Variants in PRC1 observed in about 807,000 individuals in gnomAD.
PRC1 encodes the protein protein regulator of cytokinesis 1.
PRC1 carries 54 observed loss-of-function variants against 91.2 expected under a neutral mutation model. The observed-to-expected ratio is 0.59, with a 90% confidence interval of 0.48 to 0.74. The LOEUF (loss-of-function observed/expected upper bound fraction) is 0.74. Among genes scored for constraint, PRC1 ranks in the 30% least tolerant of loss-of-function variants. The pLI is 0.00. For synonymous variants in PRC1, 275 were observed against 263.6 expected (o/e 1.04, Z -0.42); for missense variants, 727 against 746.2 (o/e 0.97, Z 0.30).
rs758093303 is a variant in PRC1, at chr15:90,979,307, G to C, written c.971-13C>G. The C allele has an allele frequency of 1.2e-5, 19 of 1,600,750 alleles. No individual in the cohort carries two copies. In the South Asian group the frequency reaches 1.8e-4, roughly 15 times the overall value. On this transcript the variant is annotated splice_polypyrimidine_tract_variant and intron_variant, in intron 7 of 14. Coordinates refer to ENST00000394249, the MANE Select transcript of PRC1 (RefSeq NM_003981.4). ...TCTGTGTAGTCCTCTGCAAAATATA[G>C]GCCCAGTAGTTTAAAACAATTCCTC...
chr15:90,980,214 A>C (rs759047693), intron 7 of PRC1, 28 bp downstream of exon 7: 10 of 1,562,594 alleles, frequency 6.4e-6, no homozygotes, highest in South Asian at 2.4e-5. Flanking sequence ...CCAAACAAAC[A>C]AACCAAAGAC....
At chr15:90,967,465 TC>T in intron 14 of PRC1, 1 of 506,460 alleles carries the variant, frequency 2.0e-6, no homozygotes. Context: ...AGAAGAGAAA[TC>T]CTTCATACAG....
Position 90,966,583 on chromosome 15 carries a change from C to T in PRC1, c.*548G>A. On this transcript the variant is annotated 3_prime_UTR_variant, in exon 15 of 15. Transcript: ENST00000394249. ...AAGCTGCTCCCAGCCTTCCTGTCAC[C>T]TCTTTGGCAGTAGGGCAGGCCATCT... The T allele has an allele frequency of 2.2e-6, 1 of 456,126 alleles. No homozygotes were observed. Among genetic ancestry groups the T allele is most frequent in the Non-Finnish European group, 4.4e-6 (1 of 226,828 alleles). 28.3% of individuals were successfully genotyped at this position (456,126 alleles called of 1,614,324 possible).
At chr15:90,992,401 C>T (rs1380414800) in intron 1 of PRC1, among the ~76,000 whole-genome samples, 1 of 152,128 alleles carries the variant, frequency 6.6e-6, no homozygotes, top group Non-Finnish European at 1.5e-5. Flanking sequence ...AAGTATTTTT[C>T]TTTTCTTTTT....
Position 90,967,043 on chromosome 15 carries a change from TAAGCTGAAG to T in PRC1, c.*79_*87del. On this transcript the variant is annotated 3_prime_UTR_variant, in exon 15 of 15. Coordinates refer to ENST00000394249, the MANE Select transcript of PRC1 (RefSeq NM_003981.4). ...ACCTGGCCAAGGTTTCAAGCACGCC[TAAGCTGAAG>T]AAAAACTAAAGTCACCCCCATATAA... 2 of 1,229,742 alleles carry T rather than the reference TAAGCTGAAG, an allele frequency of 1.6e-6. No homozygotes were observed. Among genetic ancestry groups the T allele is most frequent in the East Asian group, 4.7e-5 (2 of 42,994 alleles). 76.2% of individuals were successfully genotyped at this position (1,229,742 alleles called of 1,614,324 possible). A position where few individuals can be genotyped will look rare whatever the true frequency, so the allele number is the denominator to read the frequency against.
chr15:90,970,309 C>A, intron 12 of PRC1, 95 bp downstream of exon 12: 1 of 914,930 alleles, frequency 1.1e-6, no homozygotes, highest in South Asian at 1.6e-5. Context: ...GAACCAAATC[C>A]AGGGATCTTA....
At chr15:90,981,420 A>G in intron 5 of PRC1, 79 bp downstream of exon 5, 1 of 1,479,808 alleles carries the variant, frequency 6.8e-7, no homozygotes, top group South Asian at 1.2e-5. Flanking sequence ...CTTATTTAAG[A>G]CTGAAGAAAC....
chr15:90,985,960 T>A (rs1281255324), intron 1 of PRC1: 3 of 152,240 alleles, frequency 2.0e-5, no homozygotes, highest in African/African-American at 7.2e-5. Flanking sequence ...ATTGCTGGGA[T>A]TACAGGCGTG....
intron 8 of PRC1, among the ~76,000 whole-genome samples, chr15:90,978,432 G>T (rs774737135): frequency 6.6e-6 from 1 of 152,108 alleles, no homozygotes; most frequent in Non-Finnish European, 1.5e-5. Context: ...TGCCTTCTTT[G>T]TTCCTTCCTC....
intron 1 of PRC1, among the ~76,000 whole-genome samples, chr15:90,989,989 C>T (rs1002937499): frequency 3.3e-5 from 5 of 152,032 alleles, no homozygotes; most frequent in Admixed American, 2.6e-4. Context: ...CCTGAGCCTC[C>T]GGAGTAGCTG....
rs1381556257 is a variant in PRC1 at position 90,972,701 on chromosome 15, G to A, written c.1461+1435C>T. ...CTGTAGTGAGCTGAGATCACCCATT[G>A]CACTCCAGCCTAGGCAACAAGAGCG... On this transcript the variant is annotated intron_variant, in intron 11 of 14. Coordinates refer to ENST00000394249, the MANE Select transcript of PRC1 (RefSeq NM_003981.4). Among the ~76,000 whole-genome samples the A allele has an allele frequency of 2.0e-5, 3 of 151,426 alleles. No homozygotes were observed. The East Asian group carries it at 5.8e-4, about 29-fold the overall frequency.
chr15:90,974,429 G>C lies in PRC1; in HGVS notation c.1350+156C>G. 1.6e-6 allele frequency: 2 copies of C among 1,225,230 alleles called. No individual in the cohort carries two copies. The highest frequency in any genetic ancestry group is 2.3e-6 in the Non-Finnish European group (2 of 881,564). 75.9% of individuals were successfully genotyped at this position (1,225,230 alleles called of 1,614,324 possible). On this transcript the variant is annotated intron_variant, in intron 10 of 14. Coordinates refer to ENST00000394249, the MANE Select transcript of PRC1 (RefSeq NM_003981.4). The surrounding 1 kb of genome is among the most constrained non-coding windows in gnomAD (Gnocchi z 4.6). ...CCCGTTCCACAAGCCCCGGTCCCCGGCTCCCCGTTCCACAAGCCCCGGTCC... is the reference window on the plus strand; with the variant it reads ...CCCGTTCCACAAGCCCCGGTCCCCGCCTCCCCGTTCCACAAGCCCCGGTCC...
chr15:90,973,908 G>C lies in PRC1; in HGVS notation c.1461+228C>G, dbSNP rs1596291617. The C allele has an allele frequency of 6.4e-6, 3 of 466,584 alleles. No homozygotes were observed. In the Admixed American group the frequency reaches 1.1e-4, roughly 18 times the overall value. 28.9% of individuals were successfully genotyped at this position (466,584 alleles called of 1,614,324 possible). A position where few individuals can be genotyped will look rare whatever the true frequency, so the allele number is the denominator to read the frequency against. ...AAATAGTAATCAATAAATACTGAGG[G>C]AACTCAAGAGACCGGTGCTGGTGCA... On this transcript the variant is annotated intron_variant, in intron 11 of 14. Transcript: ENST00000394249.
intron 1 of PRC1, among the ~76,000 whole-genome samples, chr15:90,985,537 TTTAA>T (rs1371686611): frequency 1.3e-5 from 2 of 148,450 alleles, no homozygotes; most frequent in African/African-American, 2.5e-5. Context: ...TGCCATTTTA[TTTAA>T]TTAATTTATT....
At chr15:90,981,434 T>C (rs1267242994) in intron 5 of PRC1, 65 bp downstream of exon 5, 10 of 1,540,022 alleles carry the variant, frequency 6.5e-6, no homozygotes, top group Non-Finnish European at 8.9e-6. Flanking sequence ...AAGAAACAGC[T>C]GTCAGTTTTG....
Position 90,974,728 on chromosome 15 carries a change from C to A in PRC1, c.1207G>T (p.Glu403Ter). 1 of 1,614,184 alleles carries A rather than the reference C, an allele frequency of 6.2e-7. No individual in the cohort carries two copies. Among genetic ancestry groups the A allele is most frequent in the Non-Finnish European group, 8.5e-7 (1 of 1,180,014 alleles). Residue 403 changes from glutamate to a stop codon, truncating the protein, a stop_gained, in exon 10 of 15, where the codon GAA (glutamate) becomes TAA (stop). Coordinates refer to ENST00000394249, the MANE Select transcript of PRC1 (RefSeq NM_003981.4). LOFTEE classifies it high-confidence loss of function. This position sits in a 1 kb window ranked among gnomAD's most constrained non-coding sequence, Gnocchi z 4.6. Reference sequence around the variant, plus strand: ...TCAATTCGTGCCTTCAACTCTTCTTCCAGCTGAGACCAGAAACAAGGACAT... The same window carrying A: ...TCAATTCGTGCCTTCAACTCTTCTTACAGCTGAGACCAGAAACAAGGACAT... ...AKLQKMLPKL[E>*]EELKARIELW... is the part of the protein sequence containing the mutation.
At chr15:90,971,515 C>A (rs2151440532) in intron 11 of PRC1, among the ~76,000 whole-genome samples, 1 of 151,850 alleles carries the variant, frequency 6.6e-6, no homozygotes, top group South Asian at 2.1e-4. Context: ...CTCCTGAGTT[C>A]AAGCAATCCC....
intron 14 of PRC1, chr15:90,968,195 C>T (rs113179263): frequency 5.8e-5 from 57 of 985,168 alleles, no homozygotes; most frequent in Middle Eastern, 5.2e-4. Context: ...GTTGAACAAG[C>T]GAAAAAGAGA....
At position 90,967,146 on chromosome 15, in the gene PRC1, G is replaced by A; in HGVS notation, c.1848C>T (p.Thr616=). 2 of 1,613,968 alleles carry A rather than the reference G, an allele frequency of 1.2e-6. No individual in the cohort carries two copies. Among genetic ancestry groups the A allele is most frequent in the African/African-American group, 1.3e-5 (1 of 75,046 alleles). Residue 616 remains threonine (T), a synonymous_variant, in exon 15 of 15, where the codon ACC becomes ACT. Transcript: ENST00000394249. The part of the protein sequence containing the change: ...SDATSGILNS[T]NIQS ...TCAGGGCTTCTCAGGACTGGATGTT[G>A]GTTGAATTGAGGATTCCAGAAGTAG... is the stretch of plus-strand genomic sequence containing the variant.
Sources: gnomAD v4.1 joint callset for allele counts (sites outside exome capture counted in the v4.1 genomes callset) on GRCh38, gnomAD v4.1.1 for gene constraint, Gnocchi (gnomAD v3.1) non-coding constraint, MANE v1.5 for transcripts, NCBI Gene and HGNC (gene_info 2026-07-23, HGNC 2026-07-21) for gene names.